The following PPP3CA variants were observed in gnomAD, a reference collection of about 807,000 sequenced individuals.
PPP3CA encodes the protein protein phosphatase 3 catalytic subunit alpha.
PPP3CA carries 14 observed loss-of-function variants against 66.5 expected under a neutral mutation model. The observed-to-expected ratio is 0.21, with a 90% confidence interval of 0.14 to 0.33. PPP3CA has a LOEUF of 0.33. PPP3CA is among the 10% of genes least tolerant of loss of function. PPP3CA has a pLI of 1.00. For synonymous variants in PPP3CA, 232 were observed against 226.2 expected (o/e 1.03, Z -0.23); for missense variants, 317 against 639.5 (o/e 0.50, Z 5.44).
chr4:101,111,149 T>C lies in PPP3CA; in HGVS notation c.260-2071A>G, dbSNP rs903513516. ...TCACAAGCACCACTTTCTCTCAAAT[T>C]GTAGGAAACTTTATATCTGTCATAC... is the stretch of plus-strand genomic sequence containing the variant. On this transcript the variant is annotated intron_variant, in intron 2 of 13. Transcript: ENST00000394854. Among the ~76,000 whole-genome samples, 15 of 152,176 alleles carry C rather than the reference T, an allele frequency of 9.9e-5. 1 individual carries two copies. Among genetic ancestry groups the C allele is most frequent in the African/African-American group, 3.6e-4 (15 of 41,452 alleles).
intron 13 of PPP3CA, among the ~76,000 whole-genome samples, chr4:101,026,617 G>C (rs1172967757): frequency 1.3e-5 from 2 of 151,492 alleles, no homozygotes. Context: ...CAGAATCCCA[G>C]AAAGAACTTC....
intron 1 of PPP3CA, among the ~76,000 whole-genome samples, chr4:101,328,636 A>T (rs1198979000): frequency 6.6e-6 from 1 of 152,218 alleles, no homozygotes; most frequent in African/African-American, 2.4e-5. Flanking sequence ...CATTTTTTAC[A>T]AATTGAAGAT....
chr4:101,314,937 G>T (rs184850801), intron 1 of PPP3CA, among the ~76,000 whole-genome samples: 431 of 152,202 alleles, frequency 2.8e-3, no homozygotes, highest in Non-Finnish European at 4.8e-3. Context: ...TTCAAAACAT[G>T]ATTCAAAACA....
intron 2 of PPP3CA, among the ~76,000 whole-genome samples, chr4:101,168,896 G>T (rs1723781966): frequency 6.6e-6 from 1 of 152,068 alleles, no homozygotes; most frequent in Admixed American, 6.6e-5. Flanking sequence ...TGATACATGT[G>T]CTAAATCCAC....
chr4:101,218,167 G>A (rs906019729), intron 1 of PPP3CA, among the ~76,000 whole-genome samples: 4 of 151,878 alleles, frequency 2.6e-5, no homozygotes, highest in African/African-American at 9.7e-5. Flanking sequence ...GAGTGTGAAG[G>A]GAAAGCTGAA....
rs139719342 is a variant in PPP3CA, at chr4:101,232,138, T to C, written c.59-36022A>G. On this transcript the variant is annotated intron_variant, in intron 1 of 13. Coordinates refer to ENST00000394854, the MANE Select transcript of PPP3CA (RefSeq NM_000944.5). ...TAAAATAACATCAGCCTTTGCTCTT[T>C]AAAACACTGATACCTAATTTAATCT... is the stretch of plus-strand genomic sequence containing the variant. 4.3e-3 allele frequency among the ~76,000 whole-genome samples: 647 copies of C among 151,848 alleles called. 5 individuals carry two copies. Among genetic ancestry groups the C allele is most frequent in the Middle Eastern group, 0.01 (3 of 294 alleles).
intron 2 of PPP3CA, among the ~76,000 whole-genome samples, chr4:101,181,075 T>C (rs1252776135): frequency 6.6e-6 from 1 of 151,956 alleles, no homozygotes; most frequent in African/African-American, 2.4e-5. Context: ...TAAAATAAAA[T>C]AGAATAAGTG....
In PPP3CA at chr4:101,160,826, A is replaced by G. The variant is rs555177831; in HGVS notation, c.259+35090T>C. 3.3e-5 allele frequency among the ~76,000 whole-genome samples: 5 copies of G among 152,278 alleles called. No homozygotes were observed. The East Asian group carries it at 9.6e-4, about 29-fold the overall frequency. ...GTATCCAAATTGGTAATAAGGGGCTAGGTTTTAGGAATGTAGAGAAAATGG... is the reference window on the plus strand; with the variant it reads ...GTATCCAAATTGGTAATAAGGGGCTGGGTTTTAGGAATGTAGAGAAAATGG... On this transcript the variant is annotated intron_variant, in intron 2 of 13. Transcript: ENST00000394854.
intron 1 of PPP3CA, among the ~76,000 whole-genome samples, chr4:101,344,759 T>C (rs1397746944): frequency 1.3e-5 from 2 of 152,192 alleles, no homozygotes; most frequent in Non-Finnish European, 2.9e-5. Context: ...ACCTGATGAC[T>C]TTACACCTAC....
intron 1 of PPP3CA, among the ~76,000 whole-genome samples, chr4:101,326,490 C>G (rs1167625517): frequency 6.6e-6 from 1 of 152,080 alleles, no homozygotes; most frequent in Non-Finnish European, 1.5e-5. Flanking sequence ...TTAAGAGAAG[C>G]AAAAAGAATG....
intron 8 of PPP3CA, among the ~76,000 whole-genome samples, chr4:101,071,335 C>T (rs368166830): frequency 1.4e-4 from 21 of 152,306 alleles, no homozygotes; most frequent in African/African-American, 5.1e-4. Context: ...CACTTCATAT[C>T]AACATTGTTT....
intron 10 of PPP3CA, 117 bp from the exon 11 acceptor site, chr4:101,040,683 C>A: frequency 1.4e-6 from 1 of 721,304 alleles, no homozygotes; most frequent in Non-Finnish European, 2.1e-6. Flanking sequence ...TTTTTTTTCC[C>A]CCTTAAGAGG....
intron 1 of PPP3CA, among the ~76,000 whole-genome samples, chr4:101,264,721 C>A (rs1457262072): frequency 6.6e-6 from 1 of 152,122 alleles, no homozygotes; most frequent in African/African-American, 2.4e-5. Context: ...CAAATAATCA[C>A]TAAGCAAATA....
At chr4:101,030,032 A>G (rs1323980636) in intron 12 of PPP3CA, among the ~76,000 whole-genome samples, 1 of 152,082 alleles carries the variant, frequency 6.6e-6, no homozygotes, top group East Asian at 1.9e-4. Flanking sequence ...TAAATACTGA[A>G]TATACAGAAA....
intron 2 of PPP3CA, among the ~76,000 whole-genome samples, chr4:101,191,110 G>A (rs1724587745): frequency 6.6e-6 from 1 of 152,148 alleles, no homozygotes; most frequent in Non-Finnish European, 1.5e-5. Flanking sequence ...CCACAGTGTG[G>A]TCCCAGATCC....
chr4:101,263,488 C>T (rs1727070615), intron 1 of PPP3CA, among the ~76,000 whole-genome samples: 4 of 152,090 alleles, frequency 2.6e-5, no homozygotes, highest in African/African-American at 9.7e-5. Flanking sequence ...ATAAGGCTCA[C>T]AAGAAAAGAC....
intron 2 of PPP3CA, among the ~76,000 whole-genome samples, chr4:101,166,520 G>C (rs960739457): frequency 3.9e-5 from 6 of 152,056 alleles, no homozygotes; most frequent in African/African-American, 9.7e-5. Context: ...AGAGAGAAAA[G>C]AGAAAAAGAA....
rs967990097 is a variant in PPP3CA at position 101,025,048 on chromosome 4, C to T, written c.*817G>A. ...CACCACTCATAAATATTTAATTCAG[C>T]AAGCCACAACCAAGACTTGATTTTA... is the stretch of plus-strand genomic sequence containing the variant. On this transcript the variant is annotated 3_prime_UTR_variant, in exon 14 of 14. Coordinates refer to ENST00000394854, the MANE Select transcript of PPP3CA (RefSeq NM_000944.5). 1 of 151,702 alleles carries T rather than the reference C, an allele frequency of 6.6e-6. No individual in the cohort carries two copies. Among genetic ancestry groups the T allele is most frequent in the African/African-American group, 2.4e-5 (1 of 41,210 alleles). 9.4% of individuals were successfully genotyped at this position (151,702 alleles called of 1,614,324 possible).
At chr4:101,247,502 AC>A (rs1463583710) in intron 1 of PPP3CA, among the ~76,000 whole-genome samples, 1 of 151,682 alleles carries the variant, frequency 6.6e-6, no homozygotes, top group Non-Finnish European at 1.5e-5. Flanking sequence ...TTCCCCACCA[AC>A]CCTTCCTATG....
Sources: gnomAD v4.1 joint callset for allele counts (sites outside exome capture counted in the v4.1 genomes callset) on GRCh38, gnomAD v4.1.1 for gene constraint, MANE v1.5 for transcripts, NCBI Gene and HGNC (gene_info 2026-07-23, HGNC 2026-07-21) for gene names.